The following PHLDB2 variants were observed in gnomAD, a reference collection of about 807,000 sequenced individuals.
The protein encoded by PHLDB2 is pleckstrin homology-like domain family B member 2.
In PHLDB2, 71 loss-of-function variants were observed where a neutral mutation model predicts 123.6. That is an observed-to-expected ratio of 0.57 (90% CI 0.47 to 0.70). The LOEUF is 0.70. PHLDB2 is among the 30% of genes least tolerant of loss of function. PHLDB2 has a pLI of 0.00. For synonymous variants in PHLDB2, 547 were observed against 541.6 expected (o/e 1.01, Z -0.14); for missense variants, 1,446 against 1,519.5 (o/e 0.95, Z 0.80).
At chr3:111,951,000 A>G (rs996674114) in intron 10 of PHLDB2, among the ~76,000 whole-genome samples, 1 of 152,188 alleles carries the variant, frequency 6.6e-6, no homozygotes, top group Non-Finnish European at 1.5e-5. Context: ...GTTTTCTGTC[A>G]AATTTCAGTT....
At chr3:111,816,465 A>G (rs1422590344) in intron 1 of PHLDB2, among the ~76,000 whole-genome samples, 1 of 152,146 alleles carries the variant, frequency 6.6e-6, no homozygotes, top group Non-Finnish European at 1.5e-5. Context: ...GAGTGAAAGG[A>G]GATTATTTTG....
intron 2 of PHLDB2, chr3:111,911,634 G>A (rs267599545): frequency 2.0e-6 from 3 of 1,536,138 alleles, no homozygotes; most frequent in Non-Finnish European, 2.6e-6. Context: ...AGCCCAAGAT[G>A]AGAGTGTGTA....
intron 1 of PHLDB2, among the ~76,000 whole-genome samples, chr3:111,863,541 ATTC>A (rs1483383404): frequency 3.3e-5 from 5 of 152,250 alleles, no homozygotes; most frequent in East Asian, 3.8e-4. Context: ...AAGCTTAGCT[ATTC>A]TTTCAGCATG....
intron 1 of PHLDB2, among the ~76,000 whole-genome samples, chr3:111,808,611 C>T (rs2061702108): frequency 6.6e-6 from 1 of 151,800 alleles, no homozygotes; most frequent in South Asian, 2.1e-4. Flanking sequence ...TCAGGTAGTG[C>T]AGAAAGAGTA....
At chr3:111,944,383 T>C (rs1179324965) in intron 8 of PHLDB2, among the ~76,000 whole-genome samples, 1 of 151,230 alleles carries the variant, frequency 6.6e-6, no homozygotes. Flanking sequence ...TTTTTTTTAA[T>C]TAAAAATATT....
At chr3:111,854,033 TGACTCACAGTTTCACATTGCTGGGGAG>T (rs2064375250) in intron 2 of PHLDB2, among the ~76,000 whole-genome samples, 1 of 152,210 alleles carries the variant, frequency 6.6e-6, no homozygotes, top group East Asian at 1.9e-4. Context: ...GAGGTTTAAT[TGACTCACAGTTTCACATTGCTGGGGAG>T]GCCTCAGGAA....
In PHLDB2 at chr3:111,859,604, A is replaced by T. The variant is rs982487421; in HGVS notation, c.-15+28A>T. ...GAGGAGGCGGCGGTGGTCGCCCGGG[A>T]GGAGGGGGTGGTGCCGACTCCGTGT... On this transcript the variant is annotated intron_variant, in intron 1 of 17. Coordinates refer to ENST00000431670, the MANE Select transcript of PHLDB2 (RefSeq NM_001134438.2). The T allele has an allele frequency of 1.7e-5, 17 of 985,126 alleles. No homozygotes were observed. The East Asian group carries it at 1.9e-3, about 112-fold the overall frequency. The allele number at this position is 985,126 out of a possible 1,614,324, so 61.0% of individuals were successfully genotyped here.
intron 6 of PHLDB2, among the ~76,000 whole-genome samples, chr3:111,932,618 GC>G (rs1333471667): frequency 6.6e-6 from 1 of 151,924 alleles, no homozygotes; most frequent in Non-Finnish European, 1.5e-5. Context: ...AATTTCTAAT[GC>G]AAAACCATTT....
At chr3:111,948,044 T>C (rs2070433787) in intron 9 of PHLDB2, among the ~76,000 whole-genome samples, 1 of 152,198 alleles carries the variant, frequency 6.6e-6, no homozygotes. Flanking sequence ...TCCATGAAAA[T>C]TGACAAGTGC....
intron 1 of PHLDB2, among the ~76,000 whole-genome samples, chr3:111,807,414 C>G (rs1005513940): frequency 2.0e-5 from 3 of 152,050 alleles, no homozygotes; most frequent in East Asian, 3.9e-4. Context: ...TTATTTAAAT[C>G]TCAAAAGAAG....
chr3:111,775,444 G>A (rs2060252367), intron 1 of PHLDB2, among the ~76,000 whole-genome samples: 1 of 152,144 alleles, frequency 6.6e-6, no homozygotes, highest in Non-Finnish European at 1.5e-5. Flanking sequence ...AGGATGCAGA[G>A]CACGTATGCT....
chr3:111,856,785 T>C (rs1280286655), upstream of PHLDB2, among the ~76,000 whole-genome samples: 4 of 152,200 alleles, frequency 2.6e-5, no homozygotes, highest in East Asian at 3.8e-4. Context: ...ACTAGGGATA[T>C]AGCACTGGAG....
intron 15 of PHLDB2, among the ~76,000 whole-genome samples, chr3:111,968,392 T>C (rs923440830): frequency 6.6e-6 from 1 of 152,224 alleles, no homozygotes; most frequent in African/African-American, 2.4e-5. Context: ...CACAAGCTTG[T>C]TGTATTCAAG....
chr3:111,736,943 C>T (rs2059517822), intron 1 of PHLDB2, among the ~76,000 whole-genome samples: 2 of 152,210 alleles, frequency 1.3e-5, no homozygotes, highest in African/African-American at 2.4e-5. Flanking sequence ...GAACGGTATA[C>T]ATGAGTAGGG....
At chr3:111,838,092 A>C (rs1040795565) in intron 1 of PHLDB2, among the ~76,000 whole-genome samples, 6 of 152,094 alleles carry the variant, frequency 3.9e-5, no homozygotes, top group African/African-American at 1.4e-4. Flanking sequence ...TACTGAACCT[A>C]CCAACACAGA....
In PHLDB2 at chr3:111,898,708, A is replaced by C. The variant is rs536578956; in HGVS notation, c.1335+13296A>C. On this transcript the variant is annotated intron_variant, in intron 2 of 17. Transcript: ENST00000431670. ...TTGTCATTTCAAAAACGTTAACAGC[A>C]CCTTTACCAGGAGTAGTTTCCATCT... Among the ~76,000 whole-genome samples, 9 of 152,296 alleles carry C rather than the reference A, an allele frequency of 5.9e-5. No individual in the cohort carries two copies. The South Asian group carries it at 1.9e-3, about 32-fold the overall frequency.
At chr3:111,748,676 C>G (rs755254891) in intron 1 of PHLDB2, among the ~76,000 whole-genome samples, 15 of 152,060 alleles carry the variant, frequency 9.9e-5, no homozygotes, top group Non-Finnish European at 1.5e-4. Flanking sequence ...CACACACCAC[C>G]ATACCCGGCT....
chr3:111,800,443 T>C (rs139939392), intron 1 of PHLDB2, among the ~76,000 whole-genome samples: 1 of 152,366 alleles, frequency 6.6e-6, no homozygotes, highest in Non-Finnish European at 1.5e-5. Flanking sequence ...ACTTTTTGTT[T>C]ATTAAATTCC....
intron 1 of PHLDB2, among the ~76,000 whole-genome samples, chr3:111,837,181 A>ATTT (rs2063451955): frequency 6.6e-6 from 1 of 152,190 alleles, no homozygotes; most frequent in Non-Finnish European, 1.5e-5. Context: ...GTCTGCATAG[A>ATTT]GTAAGAAATC....
Sources: gnomAD v4.1 joint callset for allele counts (sites outside exome capture counted in the v4.1 genomes callset) on GRCh38, gnomAD v4.1.1 for gene constraint, MANE v1.5 for transcripts, NCBI Gene and HGNC (gene_info 2026-07-23, HGNC 2026-07-21) for gene names.